Variants in ZNF521 observed in about 807,000 individuals in gnomAD.
The protein encoded by ZNF521 is LYST-interacting protein 3.
ZNF521 carries 14 observed loss-of-function variants against 105.5 expected under a neutral mutation model. That is an observed-to-expected ratio of 0.13 (90% CI 0.09 to 0.21). ZNF521 has a LOEUF of 0.21. Among genes scored for constraint, ZNF521 ranks in the 10% least tolerant of loss-of-function variants. ZNF521 has a pLI of 1.00. For missense variants in ZNF521, 1,233 were observed against 1,629.7 expected (o/e 0.76, Z 4.19); for synonymous variants, 635 against 606.0 (o/e 1.05, Z -0.70).
At chr18:25,292,355 G>A (rs1383742142) in intron 3 of ZNF521, among the ~76,000 whole-genome samples, 1 of 152,180 alleles carries the variant, frequency 6.6e-6, no homozygotes, top group South Asian at 2.1e-4. Flanking sequence ...TCTGTACCAT[G>A]TCACTGCACT....
At chr18:25,291,427 T>C (rs4280328) in intron 3 of ZNF521, among the ~76,000 whole-genome samples, 20,341 of 152,206 alleles carry the variant, frequency 0.13, 1,543 homozygotes, top group African/African-American at 0.2. Flanking sequence ...ACAATATCCC[T>C]TGCTATTGTC....
intron 4 of ZNF521, chr18:25,202,940 T>C (rs1364386677): frequency 6.6e-6 from 1 of 152,220 alleles, no homozygotes; most frequent in East Asian, 1.9e-4. Context: ...CTAATTTGTA[T>C]TCTTGTGACA....
At chr18:25,199,878 T>C (rs970341294) in intron 4 of ZNF521, among the ~76,000 whole-genome samples, 2 of 152,070 alleles carry the variant, frequency 1.3e-5, no homozygotes, top group African/African-American at 4.8e-5. Flanking sequence ...GTTTTTTACA[T>C]AAATCTAATA....
intron 5 of ZNF521, among the ~76,000 whole-genome samples, chr18:25,103,262 G>A (rs2034003311): frequency 6.6e-6 from 1 of 152,164 alleles, no homozygotes; most frequent in Non-Finnish European, 1.5e-5. Context: ...TGGAGTGGCT[G>A]AACGCTGATG....
In ZNF521 at chr18:25,091,908, G is replaced by A. The variant is rs758071577; in HGVS notation, c.3790+42C>T. ...GCTTTGGTAGGAAAGACATGATGTG[G>A]CCATCAGCCTCTCCTGTGTCTTCCT... is the stretch of plus-strand genomic sequence containing the variant. On this transcript the variant is annotated intron_variant, in intron 6 of 7. Coordinates refer to ENST00000361524, the MANE Select transcript of ZNF521 (RefSeq NM_015461.3). 10 of 1,605,780 alleles carry A rather than the reference G, an allele frequency of 6.2e-6. No homozygotes were observed. The African/African-American group carries it at 1.2e-4, about 19-fold the overall frequency.
At chr18:25,325,879 T>C (rs1463122015) in intron 2 of ZNF521, among the ~76,000 whole-genome samples, 2 of 152,226 alleles carry the variant, frequency 1.3e-5, no homozygotes, top group Admixed American at 6.5e-5. Context: ...TTTTCCCTGA[T>C]TGTGTTCTCT....
chr18:25,116,801 T>C (rs1301783705), intron 5 of ZNF521, among the ~76,000 whole-genome samples: 1 of 150,436 alleles, frequency 6.6e-6, no homozygotes, highest in Non-Finnish European at 1.5e-5. Context: ...CTTGAAGAAC[T>C]AGAAAACATA....
chr18:25,309,689 T>C (rs1371310467), intron 3 of ZNF521, among the ~76,000 whole-genome samples: 1 of 152,194 alleles, frequency 6.6e-6, no homozygotes, highest in Non-Finnish European at 1.5e-5. Context: ...AAGTATATAA[T>C]AGATTTGACA....
chr18:25,161,280 A>G (rs1035742865), intron 5 of ZNF521, among the ~76,000 whole-genome samples: 1 of 152,116 alleles, frequency 6.6e-6, no homozygotes, highest in South Asian at 2.1e-4. Context: ...GTTTGGACAC[A>G]TTTCCTTCAA....
chr18:25,227,540 C>T lies in ZNF521; in HGVS notation c.378G>A (p.Ser126=), dbSNP rs756486207. 1.2e-5 allele frequency: 20 copies of T among 1,614,104 alleles called. 1 individual carries two copies. The South Asian group carries it at 1.8e-4, about 14-fold the overall frequency. ...GCTTTAGGTAGCTGAGGCGGCTAAA[C>T]GACTTGTCACAGAATTGACACGGGT... ...LPYPCQFCDK[S]FSRLSYLKHH... Residue 126 remains serine, a synonymous_variant, in exon 4 of 8, where the codon TCG becomes TCA. Coordinates refer to ENST00000361524, the MANE Select transcript of ZNF521 (RefSeq NM_015461.3). The surrounding 1 kb of genome is among the most constrained non-coding windows in gnomAD (Gnocchi z 5.7).
chr18:25,140,091 C>T (rs188120376), intron 5 of ZNF521, among the ~76,000 whole-genome samples: 15 of 152,212 alleles, frequency 9.9e-5, no homozygotes, highest in Admixed American at 8.5e-4. Context: ...TATATAGCAG[C>T]GCAAATGGAC....
intron 3 of ZNF521, among the ~76,000 whole-genome samples, chr18:25,253,906 A>T (rs1379393525): frequency 2.6e-5 from 4 of 152,056 alleles, no homozygotes; most frequent in African/African-American, 9.7e-5. Context: ...CTCTTGGATA[A>T]TTTTTACACA....
chr18:25,153,140 T>C (rs1345968095), intron 5 of ZNF521, among the ~76,000 whole-genome samples: 1 of 152,216 alleles, frequency 6.6e-6, no homozygotes, highest in Non-Finnish European at 1.5e-5. Flanking sequence ...TGAAGTACTA[T>C]TACTAAGTGG....
chr18:25,344,204 T>TAAAA (rs200619989), intron 2 of ZNF521, among the ~76,000 whole-genome samples: 22,176 of 141,056 alleles, frequency 0.16, 1,902 homozygotes, highest in African/African-American at 0.19. Context: ...AGTTTTTTAT[T>TAAAA]AAAAAAAAAA....
intron 5 of ZNF521, among the ~76,000 whole-genome samples, chr18:25,120,525 T>G (rs955516935): frequency 6.6e-6 from 1 of 150,458 alleles, no homozygotes; most frequent in African/African-American, 2.5e-5. Context: ...AGAGGTTGCA[T>G]TGAGCTGAGA....
rs537428010 is a variant in ZNF521 at position 25,259,101 on chromosome 18, C to T, written c.221-31404G>A. Reference sequence around the variant, plus strand: ...ATGTAGTTAGAGGTCAGTGCCTGAGCTCTCAATTCCTGAGCTACTTTCAAC... The same window carrying T: ...ATGTAGTTAGAGGTCAGTGCCTGAGTTCTCAATTCCTGAGCTACTTTCAAC... On this transcript the variant is annotated intron_variant, in intron 3 of 7. Transcript: ENST00000361524. 2.0e-5 allele frequency among the ~76,000 whole-genome samples: 3 copies of T among 152,268 alleles called. No homozygotes were observed. The East Asian group carries it at 5.8e-4, about 29-fold the overall frequency.
chr18:25,129,087 A>G (rs2034589894), intron 5 of ZNF521, among the ~76,000 whole-genome samples: 1 of 151,902 alleles, frequency 6.6e-6, no homozygotes, highest in Non-Finnish European at 1.5e-5. Context: ...GTATGGTATT[A>G]GTGAAAGGAC....
chr18:25,340,074 T>C (rs1914110271), intron 2 of ZNF521, among the ~76,000 whole-genome samples: 1 of 152,144 alleles, frequency 6.6e-6, no homozygotes, highest in Non-Finnish European at 1.5e-5. Flanking sequence ...CAACACACTT[T>C]GGTAGGTTGT....
At chr18:25,147,600 G>A (rs1275401017) in intron 5 of ZNF521, among the ~76,000 whole-genome samples, 1 of 151,982 alleles carries the variant, frequency 6.6e-6, no homozygotes, top group Non-Finnish European at 1.5e-5. Context: ...ATTTAATATT[G>A]ATCTTTAAAC....
Sources: gnomAD v4.1 joint callset for allele counts (sites outside exome capture counted in the v4.1 genomes callset) on GRCh38, gnomAD v4.1.1 for gene constraint, Gnocchi (gnomAD v3.1) non-coding constraint, MANE v1.5 for transcripts, NCBI Gene and HGNC (gene_info 2026-07-23, HGNC 2026-07-21) for gene names.